COX10: variants seen among roughly 807,000 people sequenced by gnomAD.
COX10 encodes protoheme IX farnesyltransferase, mitochondrial.
A neutral mutation model predicts 37.3 loss-of-function variants in COX10; 27 were observed. The ratio of observed to expected loss-of-function variants is 0.72; its 90% confidence interval spans 0.53 to 1.00. The LOEUF is 1.00. COX10 is among the 50% of genes least tolerant of loss of function. The pLI is 0.00. For synonymous variants in COX10, 222 were observed against 229.1 expected, an observed-to-expected ratio of 0.97 and a Z score of 0.28; for missense variants, 475 against 563.2, an observed-to-expected ratio of 0.84 and a Z score of 1.59.
At chr17:14,151,439 A>C (rs1013596610) in intron 4 of COX10, among the ~76,000 whole-genome samples, 1 of 151,976 alleles carries the variant, frequency 6.6e-6, no homozygotes, top group African/African-American at 2.4e-5. Context: ...ATCTATTTCT[A>C]TTCTTCCATG....
intron 1 of COX10, 130 bp downstream of exon 1, chr17:14,069,778 G>C: frequency 9.3e-7 from 1 of 1,080,784 alleles, no homozygotes; most frequent in Non-Finnish European, 1.4e-6. Context: ...GGTGTGGTGG[G>C]GGAAATGACC....
At position 14,076,766 on chromosome 17, in the gene COX10, A is replaced by G. The variant is rs1374703769; in HGVS notation, c.209A>G (p.Gln70Arg). The G allele has an allele frequency of 1.2e-6, 2 of 1,614,094 alleles. No homozygotes were observed. Among genetic ancestry groups the G allele is most frequent in the Admixed American group, 1.7e-5 (1 of 60,008 alleles). The change falls in exon 3 of 7, where the codon CAG (glutamine) becomes CGG (arginine). Residue 70 changes from glutamine to arginine, a missense_variant. Physicochemically the swap from Gln to Arg is conservative, Grantham distance 43 (BLOSUM62 1). Coordinates refer to ENST00000261643, the MANE Select transcript of COX10 (RefSeq NM_001303.4). ...ACACAGCTGAACAGAAGCCACAACC[A>G]GCAAGTAAGACCCAAGCCAGAACCA... ...YVTQLNRSHN[Q>R]QVRPKPEPVA...
intron 4 of COX10, among the ~76,000 whole-genome samples, chr17:14,149,850 A>G (rs1450780377): frequency 6.6e-6 from 1 of 152,178 alleles, no homozygotes; most frequent in Non-Finnish European, 1.5e-5. Flanking sequence ...TTGTGTTTCT[A>G]TCACTTGCAA....
At position 14,116,367 on chromosome 17, in the gene COX10, A is replaced by G. The variant is rs1363141430; in HGVS notation, c.624+14125A>G. ...ACATTTTCTCATCAGAAATTTCATT[A>G]CTAGAGGAAAACACAAGCTAGGAGA... On this transcript the variant is annotated intron_variant, in intron 4 of 6. Coordinates refer to ENST00000261643, the MANE Select transcript of COX10 (RefSeq NM_001303.4). Among the ~76,000 whole-genome samples the G allele has an allele frequency of 2.0e-4, 31 of 152,164 alleles. 1 individual carries two copies. The highest frequency in any genetic ancestry group is 2.9e-5 in the Non-Finnish European group (2 of 68,032).
rs58412592 is a variant in COX10 at position 14,151,526 on chromosome 17, AACACACACACACACAC to A, written c.625-8318_625-8303del. Among the ~76,000 whole-genome samples the A allele has an allele frequency of 1.4e-3, 200 of 144,738 alleles. 2 individuals are homozygous for A. The highest frequency in any genetic ancestry group is 4.1e-3 in the African/African-American group (158 of 38,886). The allele number at this position is 144,738 out of a possible 152,430, so 95.0% of individuals were successfully genotyped here. ...AATGATGCATTAGAATTCCTGAACT[AACACACACACACACAC>A]ACACACACACACACACACACACACA... On this transcript the variant is annotated intron_variant, in intron 4 of 6. Transcript: ENST00000261643.
At chr17:14,183,396 C>A (rs1345586625) in intron 5 of COX10, among the ~76,000 whole-genome samples, 1 of 152,012 alleles carries the variant, frequency 6.6e-6, no homozygotes, top group African/African-American at 2.4e-5. Context: ...AAAATTAGAA[C>A]TTTTTTTACA....
At chr17:14,158,254 G>C (rs1350173248) in intron 4 of COX10, among the ~76,000 whole-genome samples, 1 of 151,764 alleles carries the variant, frequency 6.6e-6, no homozygotes, top group Non-Finnish European at 1.5e-5. Flanking sequence ...ATTAAAAGTA[G>C]GTAGTTTGTA....
At chr17:14,130,183 C>T (rs1411194304) in intron 4 of COX10, among the ~76,000 whole-genome samples, 2 of 152,116 alleles carry the variant, frequency 1.3e-5, no homozygotes. Context: ...TATTCTGCCT[C>T]CCTCAGAATA....
In COX10 at chr17:14,074,556, G is replaced by T. The variant is rs987211130; in HGVS notation, c.177+100G>T. 6 of 1,163,450 alleles carry T rather than the reference G, an allele frequency of 5.2e-6. No homozygotes were observed. The African/African-American group carries it at 9.1e-5, about 18-fold the overall frequency. The allele number at this position is 1,163,450 out of a possible 1,614,324, so 72.1% of individuals were successfully genotyped here. A position where few individuals can be genotyped will look rare whatever the true frequency, so the allele number is the denominator to read the frequency against. On this transcript the variant is annotated intron_variant, in intron 2 of 6. Transcript: ENST00000261643. ...TTTAATTAAAGTTTTAAGAAATACT[G>T]TTTGAAAAGAACTTTTATTTAGTGT...
At chr17:14,149,249 C>G (rs1904821319) in intron 4 of COX10, among the ~76,000 whole-genome samples, 1 of 151,906 alleles carries the variant, frequency 6.6e-6, no homozygotes. Flanking sequence ...TAAATACTTA[C>G]TATGTTTATA....
chr17:14,125,443 A>C (rs1413310697), intron 4 of COX10, among the ~76,000 whole-genome samples: 1 of 152,224 alleles, frequency 6.6e-6, no homozygotes, highest in Non-Finnish European at 1.5e-5. Context: ...CTATTGAAAA[A>C]TAAATTTTTA....
chr17:14,171,548 C>G (rs1054615453), intron 5 of COX10, among the ~76,000 whole-genome samples: 7 of 151,780 alleles, frequency 4.6e-5, no homozygotes, highest in African/African-American at 1.7e-4. Flanking sequence ...CTACCTCAAA[C>G]TGAGGAGACC....
chr17:14,187,864 G>C (rs1367414700), intron 5 of COX10, among the ~76,000 whole-genome samples: 1 of 152,110 alleles, frequency 6.6e-6, no homozygotes, highest in Non-Finnish European at 1.5e-5. Flanking sequence ...TGCATGGCTT[G>C]TCAGCCTACC....
chr17:14,136,526 A>G (rs986075970), intron 4 of COX10, among the ~76,000 whole-genome samples: 14 of 152,064 alleles, frequency 9.2e-5, no homozygotes, highest in African/African-American at 3.1e-4. Context: ...GTTTCAGGAA[A>G]TTTCTTGCCA....
chr17:14,176,206 T>C (rs2856218), intron 5 of COX10, among the ~76,000 whole-genome samples: 86,511 of 149,570 alleles, frequency 0.58, 25,329 homozygotes, highest in East Asian at 0.65. Flanking sequence ...TTCTCTGAAA[T>C]GTTCCCGTCT....
In COX10 at chr17:14,208,331, T is replaced by A. The variant is rs528282657; in HGVS notation, c.*1118T>A. The A allele has an allele frequency of 6.6e-6, 1 of 152,338 alleles. No homozygotes were observed. Among genetic ancestry groups the A allele is most frequent in the African/African-American group, 2.4e-5 (1 of 41,576 alleles). 9.4% of individuals were successfully genotyped at this position (152,338 alleles called of 1,614,324 possible). On this transcript the variant is annotated 3_prime_UTR_variant, in exon 7 of 7. Transcript: ENST00000261643. ...TTTTAGTCCTTTGTGCTCCCACGGG[T>A]CTGCAGAGTCCCATCTGCCCAAAGG...
intron 4 of COX10, among the ~76,000 whole-genome samples, chr17:14,142,574 C>A (rs1300769328): frequency 1.3e-5 from 2 of 152,074 alleles, no homozygotes; most frequent in Admixed American, 6.6e-5. Context: ...TTAACTAATT[C>A]TTTTTTTCCT....
intron 5 of COX10, chr17:14,182,152 A>G (rs549072515): frequency 1.1e-5 from 11 of 983,266 alleles, no homozygotes; most frequent in African/African-American, 1.7e-5. Flanking sequence ...CTCTGCGCCG[A>G]ACATCATGAT....
At chr17:14,150,295 T>C (rs1300434285) in intron 4 of COX10, among the ~76,000 whole-genome samples, 1 of 152,056 alleles carries the variant, frequency 6.6e-6, no homozygotes, top group East Asian at 1.9e-4. Flanking sequence ...AAAAAAAGTT[T>C]ACAGTGAAAA....
Sources: allele counts gnomAD v4.1 joint callset (sites outside exome capture counted in the v4.1 genomes callset), GRCh38; gene constraint gnomAD v4.1.1; transcripts MANE v1.5; gene names NCBI Gene and HGNC (gene_info 2026-07-23, HGNC 2026-07-21).